COG2: variants seen among roughly 807,000 people sequenced by gnomAD.
COG2 encodes the protein conserved oligomeric Golgi complex subunit 2.
A neutral mutation model predicts 90.6 loss-of-function variants in COG2; 52 were observed. The observed-to-expected ratio is 0.57, with a 90% CI of 0.46 to 0.72. The LOEUF (loss-of-function observed/expected upper bound fraction) is 0.72, where lower values mean the gene tolerates loss of function less well. Ranked by LOEUF, COG2 falls within the 30% of genes least tolerant of loss-of-function variation. The pLI is 0.00. For missense variants in COG2, 829 were observed against 891.2 expected (o/e 0.93, Z 0.89); for synonymous variants, 337 against 320.4 (o/e 1.05, Z -0.55).
At position 230,685,172 on chromosome 1, in the gene COG2, TG is replaced by T. The variant is rs1265996015; in HGVS notation, c.1318del (p.Val440CysfsTer40). On this transcript the variant is annotated frameshift_variant, in exon 12 of 18. Transcript: ENST00000366669. LOFTEE classifies it high-confidence loss of function. ...CWSDEMFLPL[L>X]VHRLWRLTLQ... ...TCAGATGAGATGTTCTTGCCATTACTGGTGCATCGCCTGTGGAGACTCACTC... is the reference window on the plus strand; with the variant it reads ...TCAGATGAGATGTTCTTGCCATTACTGTGCATCGCCTGTGGAGACTCACTC... The T allele has an allele frequency of 1.2e-6, 2 of 1,614,224 alleles. No homozygotes were observed. The highest frequency in any genetic ancestry group is 1.7e-6 in the Non-Finnish European group (2 of 1,180,026).
At chr1:230,676,411 G>A (rs759437431) in intron 9 of COG2, among the ~76,000 whole-genome samples, 1 of 152,048 alleles carries the variant, frequency 6.6e-6, no homozygotes, top group Non-Finnish European at 1.5e-5. Flanking sequence ...GTTACTTAAT[G>A]GAATCTAAAG....
intron 10 of COG2, chr1:230,679,310 G>C: frequency 3.2e-6 from 1 of 315,522 alleles, no homozygotes; most frequent in Non-Finnish European, 5.8e-6. Flanking sequence ...CTGACTCCAA[G>C]CCCAGCCTCA....
rs1662552924 is a variant in COG2 at position 230,675,100 on chromosome 1, T to C, written c.1002T>C (p.Pro334=). 6.2e-7 allele frequency: 1 copy of C among 1,612,402 alleles called. No individual in the cohort carries two copies. The highest frequency in any genetic ancestry group is 1.7e-5 in the Admixed American group (1 of 59,784). The change falls in exon 9 of 18, where the codon CCT becomes CCC. Residue 334 remains proline (P), a synonymous_variant. Coordinates refer to ENST00000366669, the MANE Select transcript of COG2 (RefSeq NM_007357.3). ...LEEKLPSLFN[P]GNPDAFHEKY... Reference sequence around the variant, plus strand: ...AAAAGTTACCCTCGCTTTTTAATCCTGGGAATCCCGATGCATTTCATGAGG... The same window carrying C: ...AAAAGTTACCCTCGCTTTTTAATCCCGGGAATCCCGATGCATTTCATGAGG...
chr1:230,650,959 T>TA (rs1661901409), intron 1 of COG2, among the ~76,000 whole-genome samples: 1 of 152,238 alleles, frequency 6.6e-6, no homozygotes, highest in Non-Finnish European at 1.5e-5. Flanking sequence ...CATTTATTCT[T>TA]ATCTGTTGGC....
At chr1:230,671,284 C>T (rs1662441822) in intron 7 of COG2, 1 of 265,124 alleles carries the variant, frequency 3.8e-6, no homozygotes, top group Non-Finnish European at 7.1e-6. Context: ...GATGAGAGTG[C>T]ATGGTTTGTC....
At chr1:230,653,570 T>C (rs1253918489) in intron 1 of COG2, among the ~76,000 whole-genome samples, 3 of 152,198 alleles carry the variant, frequency 2.0e-5, no homozygotes, top group Non-Finnish European at 4.4e-5. Context: ...GAATTGATTC[T>C]ACTAAAGAAT....
chr1:230,649,417 A>G (rs1200213985), intron 1 of COG2, among the ~76,000 whole-genome samples: 1 of 152,172 alleles, frequency 6.6e-6, no homozygotes, highest in Non-Finnish European at 1.5e-5. Context: ...CCCTTCCCAC[A>G]GTCTTTCCCA....
At chr1:230,668,533 T>A (rs1032972276) in intron 5 of COG2, 143 bp from the exon 6 acceptor site, 7 of 561,134 alleles carry the variant, frequency 1.2e-5, no homozygotes, top group Admixed American at 3.2e-5. Context: ...GCTTTCACCT[T>A]GTAACAAGGT....
intron 5 of COG2, among the ~76,000 whole-genome samples, chr1:230,665,196 T>C (rs1284600266): frequency 6.6e-6 from 1 of 152,138 alleles, no homozygotes; most frequent in Non-Finnish European, 1.5e-5. Flanking sequence ...CATGGTGCAG[T>C]GGAAAGAGCA....
rs114280642 is a variant in COG2 at position 230,649,156 on chromosome 1, C to T, written c.72+6478C>T. Among the ~76,000 whole-genome samples, 1,002 of 152,292 alleles carry T rather than the reference C, an allele frequency of 6.6e-3. 10 individuals are homozygous for T. Among genetic ancestry groups the T allele is most frequent in the African/African-American group, 0.022 (928 of 41,562 alleles). ...ACTTAAGTGCTACTGTTTCATAAAACTTCTAATATCATCTGTCCATAGATG... is the reference window on the plus strand; with the variant it reads ...ACTTAAGTGCTACTGTTTCATAAAATTTCTAATATCATCTGTCCATAGATG... On this transcript the variant is annotated intron_variant, in intron 1 of 17. Transcript: ENST00000366669.
At chr1:230,648,987 G>A (rs1661851678) in intron 1 of COG2, among the ~76,000 whole-genome samples, 1 of 152,186 alleles carries the variant, frequency 6.6e-6, no homozygotes, top group African/African-American at 2.4e-5. Context: ...AGCTGGGACA[G>A]AGCACAAATA....
At position 230,683,591 on chromosome 1, in the gene COG2, G is replaced by C. The variant is rs1662807836; in HGVS notation, c.1184G>C (p.Gly395Ala). The C allele has an allele frequency of 1.2e-6, 2 of 1,611,960 alleles. No homozygotes were observed. The highest frequency in any genetic ancestry group is 2.2e-5 in the South Asian group (2 of 91,020). ...YFQIRFREIA[G>A]SLEAALTDVL... The stretch of plus-strand genomic sequence containing the variant: ...TATCTCAGATTTAGAGAAATAGCGG[G>C]ATCCTTAGAAGCAGCACTTACAGAT... Residue 395 changes from glycine to alanine, a missense_variant, in exon 11 of 18, where the codon GGA becomes GCA. Coordinates refer to ENST00000366669, the MANE Select transcript of COG2 (RefSeq NM_007357.3).
In COG2 at chr1:230,671,640, G is replaced by A; in HGVS notation, c.899G>A (p.Ser300Asn). The change falls in exon 8 of 18, where the codon AGT (serine) becomes AAT (asparagine). Residue 300 changes from serine (S) to asparagine (N), a missense_variant and splice_region_variant. Transcript: ENST00000366669. ...GAAGTCACAGGAGGTGCCATCTCCA[G>A]GTAATTTAAACAACCCTGTGTGGAC... ...LREVTGGAISSEKGNTVPGYD... is the reference protein window; with the variant it reads ...LREVTGGAISNEKGNTVPGYD... 6.2e-7 allele frequency: 1 copy of A among 1,613,410 alleles called. No homozygotes were observed. Among genetic ancestry groups the A allele is most frequent in the Non-Finnish European group, 8.5e-7 (1 of 1,179,594 alleles).
At chr1:230,669,649 G>C in intron 7 of COG2, 114 bp downstream of exon 7, 2 of 908,400 alleles carry the variant, frequency 2.2e-6, no homozygotes, top group Non-Finnish European at 3.2e-6. Context: ...AAGATTCTCA[G>C]TTCCTACAGT....
intron 7 of COG2, chr1:230,670,330 T>A (rs1662418841): frequency 6.6e-6 from 1 of 152,206 alleles, no homozygotes; most frequent in Admixed American, 6.5e-5. Context: ...TTGGGGACTT[T>A]CCTCCAGTGT....
intron 1 of COG2, among the ~76,000 whole-genome samples, chr1:230,644,988 A>G (rs955509592): frequency 6.6e-6 from 1 of 152,296 alleles, no homozygotes; most frequent in South Asian, 2.1e-4. Context: ...TGAGGGGTCA[A>G]AGGTGGTAAT....
chr1:230,660,821 C>T lies in COG2; in HGVS notation c.298C>T (p.Leu100=). Residue 100 remains leucine (L), a splice_region_variant and synonymous_variant, in exon 3 of 18, where the codon CTG becomes TTG. Coordinates refer to ENST00000366669, the MANE Select transcript of COG2 (RefSeq NM_007357.3). ...VPLGQLREEV[L]SLRSSVSEGI... ...TTTGGGACAATTACGAGAAGAGGTT[C>T]TGGTAAGTTTCCCGAATAACATCAA... is the stretch of plus-strand genomic sequence containing the variant. 1.3e-6 allele frequency: 2 copies of T among 1,574,630 alleles called. No homozygotes were observed. The highest frequency in any genetic ancestry group is 1.7e-6 in the Non-Finnish European group (2 of 1,161,264).
chr1:230,693,140 T>C (rs2102778570), intron 17 of COG2, 152 bp from the exon 18 acceptor site: 1 of 511,596 alleles, frequency 2.0e-6, no homozygotes, highest in Non-Finnish European at 3.6e-6. Context: ...TTACAACAAG[T>C]AAATCCTTTG....
chr1:230,656,179 G>A (rs1662044198), intron 1 of COG2, among the ~76,000 whole-genome samples: 1 of 151,980 alleles, frequency 6.6e-6, no homozygotes, highest in African/African-American at 2.4e-5. Context: ...TGCTTCTCCA[G>A]TTCTTTTAAT....
Sources: gnomAD v4.1 joint callset for allele counts (sites outside exome capture counted in the v4.1 genomes callset) on GRCh38, gnomAD v4.1.1 for gene constraint, MANE v1.5 for transcripts, NCBI Gene and HGNC (gene_info 2026-07-23, HGNC 2026-07-21) for gene names.